WDR70: variants seen among roughly 807,000 people sequenced by gnomAD.
WDR70 encodes WD repeat-containing protein 70.
A neutral mutation model predicts 88.6 loss-of-function variants in WDR70; 53 were observed. That is an observed-to-expected ratio of 0.60 (90% CI 0.48 to 0.75). The LOEUF is 0.75. Among genes scored for constraint, WDR70 ranks in the 30% least tolerant of loss-of-function variants. The pLI is 0.00. For missense variants in WDR70, 610 were observed against 823.2 expected, an observed-to-expected ratio of 0.74 and a Z score of 3.17; for synonymous variants, 280 against 270.0, an observed-to-expected ratio of 1.04 and a Z score of -0.36.
rs1014847548 is a variant in WDR70, at chr5:37,467,834, C to T, written c.687-12000C>T. Among the ~76,000 whole-genome samples, 6 of 152,116 alleles carry T rather than the reference C, an allele frequency of 3.9e-5. 1 individual carries two copies. Among genetic ancestry groups the T allele is most frequent in the African/African-American group, 1.4e-4 (6 of 41,400 alleles). On this transcript the variant is annotated intron_variant, in intron 7 of 17. Coordinates refer to ENST00000265107, the MANE Select transcript of WDR70 (RefSeq NM_018034.4). ...CGGGTTTACGTCATTCCTGCCTCAG[C>T]CTCCCGAGTAGCTGGGATTACAGGC...
chr5:37,386,255 G>T (rs1302533581), intron 3 of WDR70, among the ~76,000 whole-genome samples: 1 of 152,144 alleles, frequency 6.6e-6, no homozygotes, highest in African/African-American at 2.4e-5. Context: ...CACAGTATAG[G>T]TACCTTGTAT....
chr5:37,737,672 G>C (rs1033538364), intron 17 of WDR70, among the ~76,000 whole-genome samples: 5 of 152,192 alleles, frequency 3.3e-5, no homozygotes, highest in African/African-American at 1.2e-4. Flanking sequence ...AACTTATTAA[G>C]AGAGTGCTTT....
chr5:37,512,414 G>T (rs988094816), intron 8 of WDR70, among the ~76,000 whole-genome samples: 5 of 151,990 alleles, frequency 3.3e-5, no homozygotes, highest in Non-Finnish European at 7.4e-5. Context: ...TAGAGATGGG[G>T]TTTAGCCATC....
chr5:37,637,635 G>T (rs564020691), intron 10 of WDR70, among the ~76,000 whole-genome samples: 10 of 152,310 alleles, frequency 6.6e-5, no homozygotes, highest in African/African-American at 2.2e-4. Context: ...TTAAGAACAT[G>T]CACAGGGAGC....
chr5:37,585,693 A>G (rs1280183610), intron 9 of WDR70, among the ~76,000 whole-genome samples: 1 of 152,046 alleles, frequency 6.6e-6, no homozygotes, highest in African/African-American at 2.4e-5. Flanking sequence ...CACTGTCTTC[A>G]TTCCTTTTTA....
At chr5:37,670,843 T>A (rs893780577) in intron 10 of WDR70, among the ~76,000 whole-genome samples, 1 of 152,230 alleles carries the variant, frequency 6.6e-6, no homozygotes, top group African/African-American at 2.4e-5. Flanking sequence ...GTCTTTATTT[T>A]GTTCACTGCT....
intron 16 of WDR70, 146 bp from the exon 17 acceptor site, chr5:37,726,737 G>A (rs1747981290): frequency 3.7e-6 from 3 of 806,418 alleles, no homozygotes; most frequent in African/African-American, 1.8e-5. Flanking sequence ...GATCTCTTTG[G>A]TTCTGATTGT....
chr5:37,464,571 C>T (rs1166611710), intron 7 of WDR70, among the ~76,000 whole-genome samples: 15 of 152,158 alleles, frequency 9.9e-5, no homozygotes, highest in South Asian at 2.1e-4. Flanking sequence ...GGAGCATCAA[C>T]CCCTGGGGTT....
chr5:37,669,943 C>A (rs527386075), intron 10 of WDR70, among the ~76,000 whole-genome samples: 3 of 152,106 alleles, frequency 2.0e-5, no homozygotes, highest in Non-Finnish European at 4.4e-5. Flanking sequence ...TTTATGATTT[C>A]ATTTGTATGA....
chr5:37,620,871 T>C lies in WDR70; in HGVS notation c.1092+15633T>C, dbSNP rs35744008. Among the ~76,000 whole-genome samples the C allele has an allele frequency of 5.1e-3, 773 of 152,250 alleles. 5 individuals carry two copies. Among genetic ancestry groups the C allele is most frequent in the Non-Finnish European group, 9.1e-3 (617 of 68,012 alleles). ...AAGAAATGAAAACAGAAAAAATGGT[T>C]TGGGGTGTTGAATGAGCAGAGGTCA... On this transcript the variant is annotated intron_variant, in intron 10 of 17. Coordinates refer to ENST00000265107, the MANE Select transcript of WDR70 (RefSeq NM_018034.4).
chr5:37,576,346 T>C (rs1006702552), intron 9 of WDR70, among the ~76,000 whole-genome samples: 1 of 151,964 alleles, frequency 6.6e-6, no homozygotes, highest in Non-Finnish European at 1.5e-5. Context: ...TGGTGTGTTC[T>C]AAGGCAAGAT....
intron 10 of WDR70, among the ~76,000 whole-genome samples, chr5:37,694,507 A>T (rs1303364894): frequency 6.6e-6 from 1 of 152,248 alleles, no homozygotes; most frequent in Admixed American, 6.5e-5. Flanking sequence ...ACCATGGAAT[A>T]CTATGCAGCC....
chr5:37,423,032 T>C (rs937026999), intron 5 of WDR70, among the ~76,000 whole-genome samples: 2 of 152,080 alleles, frequency 1.3e-5, no homozygotes, highest in Admixed American at 1.3e-4. Flanking sequence ...AAAAATGACC[T>C]ATGAAGAATA....
At chr5:37,600,522 G>A (rs1226344296) in intron 9 of WDR70, among the ~76,000 whole-genome samples, 30 of 56,380 alleles carry the variant, frequency 5.3e-4, no homozygotes, top group African/African-American at 1.5e-3. Flanking sequence ...GCAAGACTCC[G>A]TCTCAAAAAA....
At chr5:37,628,893 T>C (rs974286899) in intron 10 of WDR70, among the ~76,000 whole-genome samples, 2 of 152,210 alleles carry the variant, frequency 1.3e-5, no homozygotes, top group African/African-American at 4.8e-5. Context: ...GTTTTCATGA[T>C]GGTAGCTGTT....
Position 37,506,300 on chromosome 5 carries a change from C to G in WDR70, c.841-10214C>G, listed in dbSNP as rs1277807063. The G allele has an allele frequency of 4.3e-6, 4 of 936,350 alleles. No individual in the cohort carries two copies. In the East Asian group the frequency reaches 9.6e-5, roughly 22 times the overall value. The allele number at this position is 936,350 out of a possible 1,614,324, so 58.0% of individuals were successfully genotyped here. The stretch of plus-strand genomic sequence containing the variant: ...CTGGTGATTGAGAATTCTTTATTGC[C>G]ACTTCTAGGTGTTCAATCAGTGAGT... On this transcript the variant is annotated intron_variant, in intron 8 of 17. Transcript: ENST00000265107.
chr5:37,666,356 G>A (rs1377984743), intron 10 of WDR70, among the ~76,000 whole-genome samples: 1 of 152,208 alleles, frequency 6.6e-6, no homozygotes, highest in Non-Finnish European at 1.5e-5. Context: ...CTACAGCAGC[G>A]AGTGTGTTTT....
intron 9 of WDR70, among the ~76,000 whole-genome samples, chr5:37,523,168 G>A (rs1353076988): frequency 6.6e-6 from 1 of 152,210 alleles, no homozygotes; most frequent in Non-Finnish European, 1.5e-5. Context: ...ATCTGAGAAT[G>A]AACAGACTGC....
At chr5:37,443,813 C>T (rs1446391572) in intron 7 of WDR70, among the ~76,000 whole-genome samples, 1 of 151,950 alleles carries the variant, frequency 6.6e-6, no homozygotes, top group Admixed American at 6.6e-5. Context: ...GATTGTGCCA[C>T]TGCACTCCAG....
Sources: gnomAD v4.1 joint callset for allele counts (sites outside exome capture counted in the v4.1 genomes callset) on GRCh38, gnomAD v4.1.1 for gene constraint, MANE v1.5 for transcripts, NCBI Gene and HGNC (gene_info 2026-07-23, HGNC 2026-07-21) for gene names.